The following PSTPIP1 variants were observed in gnomAD, a reference collection of about 807,000 sequenced individuals.
The protein encoded by PSTPIP1 is proline-serine-threonine phosphatase-interacting protein 1.
In PSTPIP1, 66 loss-of-function variants were observed where a neutral mutation model predicts 69.6. The observed-to-expected ratio is 0.95, with a 90% confidence interval of 0.78 to 1.16. The LOEUF (loss-of-function observed/expected upper bound fraction) is 1.16. Ranked by LOEUF, PSTPIP1 falls within the 50% of genes most tolerant of loss-of-function variation. The probability of loss-of-function intolerance (pLI) is 0.00; values close to 1 mark genes in which losing one functional copy is unlikely to be tolerated. For synonymous variants in PSTPIP1, 266 were observed against 222.7 expected (o/e 1.19, Z -1.73); for missense variants, 603 against 557.4 (o/e 1.08, Z -0.82).
At chr15:77,016,167 C>T (rs958209384) in intron 1 of PSTPIP1, among the ~76,000 whole-genome samples, 18 of 152,176 alleles carry the variant, frequency 1.2e-4, no homozygotes, top group African/African-American at 4.1e-4. Context: ...GACTCTGCAG[C>T]GTCAAGCAAG....
Position 77,035,459 on chromosome 15 carries a change from C to T in PSTPIP1, c.930-49C>T, listed in dbSNP as rs570198100. 5.0e-5 allele frequency: 77 copies of T among 1,536,478 alleles called. No homozygotes were observed. In the South Asian group the frequency reaches 8.4e-4, roughly 17 times the overall value. On this transcript the variant is annotated intron_variant, in intron 12 of 14. Transcript: ENST00000558012. ...GTCTAAACCCTCCCTCCTGGTGGGT[C>T]CCTGAGTGTGGGGCGGGGACACTCA... is the stretch of plus-strand genomic sequence containing the variant.
intron 1 of PSTPIP1, among the ~76,000 whole-genome samples, chr15:77,003,960 G>T (rs1323820809): frequency 6.6e-6 from 1 of 152,198 alleles, no homozygotes; most frequent in Non-Finnish European, 1.5e-5. Flanking sequence ...AGATCTTGCT[G>T]TTTCAGAATG....
intron 6 of PSTPIP1, 175 bp from the exon 7 acceptor site, chr15:77,028,379 C>G: frequency 1.8e-6 from 1 of 568,844 alleles, no homozygotes; most frequent in Non-Finnish European, 3.1e-6. Context: ...CAGCAGCCCC[C>G]ACGCCTTCTC....
chr15:77,013,967 C>T (rs1256667738), intron 1 of PSTPIP1, among the ~76,000 whole-genome samples: 1 of 152,120 alleles, frequency 6.6e-6, no homozygotes, highest in East Asian at 1.9e-4. Flanking sequence ...TTCTTCCAGC[C>T]TGGCCCCAGC....
At chr15:77,034,493 CCT>C (rs1312188117) in intron 12 of PSTPIP1, among the ~76,000 whole-genome samples, 1 of 151,628 alleles carries the variant, frequency 6.6e-6, no homozygotes, top group East Asian at 1.9e-4. Context: ...CCCACAGGCC[CCT>C]GAGTCATGGC....
intron 3 of PSTPIP1, chr15:77,024,182 C>T (rs1470193233): frequency 1.3e-5 from 2 of 152,230 alleles, no homozygotes; most frequent in East Asian, 1.9e-4. Context: ...CTCAGGAGGT[C>T]GGGGAGGAGC....
Position 77,027,121 on chromosome 15 carries a change from T to C in PSTPIP1, c.355-731T>C, listed in dbSNP as rs529452044. 6.6e-6 allele frequency among the ~76,000 whole-genome samples: 1 copy of C among 152,268 alleles called. No homozygotes were observed. The highest frequency in any genetic ancestry group is 1.9e-4 in the East Asian group (1 of 5,184). ...CTGTGCACTTGGGTGTTTTGTGCTG[T>C]GTGTGTGTGAGTGCCTGTGCCTCGC... On this transcript the variant is annotated intron_variant, in intron 5 of 14. Transcript: ENST00000558012. This position sits in a 1 kb window ranked among gnomAD's most constrained non-coding sequence, Gnocchi z 4.3.
At chr15:77,006,146 TA>T (rs752592083) in intron 1 of PSTPIP1, among the ~76,000 whole-genome samples, 5 of 152,158 alleles carry the variant, frequency 3.3e-5, no homozygotes, top group African/African-American at 1.2e-4. Flanking sequence ...GTTTTTTTTT[TA>T]AATCATAGCC....
intron 11 of PSTPIP1, chr15:77,032,616 G>C: frequency 8.0e-6 from 5 of 625,076 alleles, no homozygotes; most frequent in Non-Finnish European, 5.6e-6. Context: ...GGTGGGGATG[G>C]GGATTGAGGT....
At chr15:77,001,746 C>G (rs142537104) in intron 1 of PSTPIP1, among the ~76,000 whole-genome samples, 14 of 152,266 alleles carry the variant, frequency 9.2e-5, no homozygotes, top group African/African-American at 3.1e-4. Context: ...GTCGGCAACC[C>G]GTTGTGAAAA....
At chr15:77,008,284 A>G (rs2075861165) in intron 1 of PSTPIP1, among the ~76,000 whole-genome samples, 1 of 152,198 alleles carries the variant, frequency 6.6e-6, no homozygotes, top group East Asian at 1.9e-4. Context: ...AGGGAAGACC[A>G]GCAGCTGAGC....
At chr15:77,017,000 A>G (rs528030214) in intron 1 of PSTPIP1, among the ~76,000 whole-genome samples, 10 of 152,224 alleles carry the variant, frequency 6.6e-5, no homozygotes, top group African/African-American at 2.4e-4. Flanking sequence ...TTCTTCCTCC[A>G]GTCTCTGAGG....
rs1449450014 is a variant in PSTPIP1, at chr15:76,995,285, C to T, written c.-289C>T. The T allele has an allele frequency of 1.6e-5, 21 of 1,339,904 alleles. No homozygotes were observed. The highest frequency in any genetic ancestry group is 2.0e-4 in the Middle Eastern group (1 of 5,078). The allele number at this position is 1,339,904 out of a possible 1,614,324, so 83.0% of individuals were successfully genotyped here. ...ACTGTGTCCTCCATCACCGCAGGGT[C>T]GGTGAGGGGCTGGGCTGGACACCAG... On this transcript the variant is annotated 5_prime_UTR_variant, in exon 1 of 15. Coordinates refer to ENST00000558012, the MANE Select transcript of PSTPIP1 (RefSeq NM_003978.5).
chr15:77,025,373 G>A (rs1202215994), intron 4 of PSTPIP1, 55 bp downstream of exon 4: 2 of 1,581,842 alleles, frequency 1.3e-6, no homozygotes, highest in Non-Finnish European at 8.7e-7. Context: ...GGCTGGTGGA[G>A]GGTTTGGGGG....
chr15:77,018,935 A>G (rs2076108153), intron 3 of PSTPIP1, among the ~76,000 whole-genome samples: 1 of 152,060 alleles, frequency 6.6e-6, no homozygotes, highest in South Asian at 2.1e-4. Flanking sequence ...CCAGGAGGGG[A>G]CACACCTGGG....
intron 3 of PSTPIP1, among the ~76,000 whole-genome samples, chr15:77,020,063 A>T (rs1355090211): frequency 1.3e-5 from 2 of 152,154 alleles, no homozygotes; most frequent in Non-Finnish European, 2.9e-5. Context: ...GGTCTGTGTG[A>T]TGCAGGCTCA....
intron 9 of PSTPIP1, among the ~76,000 whole-genome samples, chr15:77,030,896 C>T (rs974049964): frequency 6.6e-6 from 1 of 152,254 alleles, no homozygotes; most frequent in African/African-American, 2.4e-5. Context: ...GAACAGGGCT[C>T]AGGACTCCCG....
At chr15:77,030,692 T>C in intron 9 of PSTPIP1, 111 bp downstream of exon 9, 2 of 1,072,202 alleles carry the variant, frequency 1.9e-6, no homozygotes, top group East Asian at 2.7e-5. Flanking sequence ...AAGGTACCTG[T>C]TACTCACTCG....
Position 77,035,791 on chromosome 15 carries a change from C to T in PSTPIP1, c.986-11C>T. The stretch of plus-strand genomic sequence containing the variant: ...AGAAGGGGAGGGGTCTATGTCTCAC[C>T]CTGCTCTTAGCGTCCACAGAGACCC... On this transcript the variant is annotated splice_polypyrimidine_tract_variant and intron_variant, in intron 13 of 14. Coordinates refer to ENST00000558012, the MANE Select transcript of PSTPIP1 (RefSeq NM_003978.5). 1 of 1,603,864 alleles carries T rather than the reference C, an allele frequency of 6.2e-7. No individual in the cohort carries two copies. Among genetic ancestry groups the T allele is most frequent in the Non-Finnish European group, 8.5e-7 (1 of 1,178,660 alleles).
Sources: gnomAD v4.1 joint callset for allele counts (sites outside exome capture counted in the v4.1 genomes callset) on GRCh38, gnomAD v4.1.1 for gene constraint, Gnocchi (gnomAD v3.1) non-coding constraint, MANE v1.5 for transcripts, NCBI Gene and HGNC (gene_info 2026-07-23, HGNC 2026-07-21) for gene names.